DPYD: variants seen among roughly 807,000 people sequenced by gnomAD.
DPYD encodes dihydropyrimidine dehydrogenase.
A neutral mutation model predicts 116.2 loss-of-function variants in DPYD; 109 were observed. The observed-to-expected ratio is 0.94, with a 90% CI of 0.80 to 1.10. DPYD has a LOEUF of 1.10. Ranked by LOEUF, DPYD falls within the 50% of genes least tolerant of loss-of-function variation. The probability of loss-of-function intolerance (pLI) is 0.00; values close to 1 mark genes in which losing one functional copy is unlikely to be tolerated. For missense variants in DPYD, 1,302 were observed against 1,254.5 expected, an observed-to-expected ratio of 1.04 and a Z score of -0.57; for synonymous variants, 440 against 432.0, an observed-to-expected ratio of 1.02 and a Z score of -0.23.
At chr1:97,613,308 A>G (rs1656062913) in intron 8 of DPYD, among the ~76,000 whole-genome samples, 1 of 152,050 alleles carries the variant, frequency 6.6e-6, no homozygotes, top group Non-Finnish European at 1.5e-5. Flanking sequence ...CCTCTTTCCT[A>G]AGGAAAATAT....
intron 3 of DPYD, among the ~76,000 whole-genome samples, chr1:97,765,998 C>G (rs1216084965): frequency 6.6e-6 from 1 of 152,136 alleles, no homozygotes; most frequent in Admixed American, 6.5e-5. Context: ...AATCGCAGCA[C>G]TTCAGGAGGC....
chr1:97,734,462 CT>C (rs1172998437), intron 4 of DPYD, among the ~76,000 whole-genome samples: 1 of 151,980 alleles, frequency 6.6e-6, no homozygotes, highest in African/African-American at 2.4e-5. Context: ...TATAATAAAT[CT>C]TTTTTGTCTT....
intron 18 of DPYD, among the ~76,000 whole-genome samples, chr1:97,257,509 T>A (rs1557977990): frequency 6.7e-6 from 1 of 150,072 alleles, no homozygotes; most frequent in Non-Finnish European, 1.5e-5. Context: ...ATATACCATA[T>A]CTCTATATAG....
At chr1:97,129,210 C>T (rs1014976898) in intron 20 of DPYD, among the ~76,000 whole-genome samples, 4 of 151,850 alleles carry the variant, frequency 2.6e-5, no homozygotes, top group South Asian at 2.1e-4. Context: ...ACTACAGGCA[C>T]GTGCCACCAC....
At chr1:97,191,811 TTA>T (rs1176702803) in intron 20 of DPYD, among the ~76,000 whole-genome samples, 1 of 152,174 alleles carries the variant, frequency 6.6e-6, no homozygotes, top group African/African-American at 2.4e-5. Flanking sequence ...TGAATTTTTT[TTA>T]GTTATAAGCA....
At chr1:97,210,181 T>G (rs574687590) in intron 19 of DPYD, among the ~76,000 whole-genome samples, 2 of 152,158 alleles carry the variant, frequency 1.3e-5, no homozygotes, top group Non-Finnish European at 2.9e-5. Context: ...TTCCTGAATA[T>G]TCAAAGAAGG....
rs1435596963 is a variant in DPYD, at chr1:97,238,685, T to G, written c.2300-3691A>C. Among the ~76,000 whole-genome samples the G allele has an allele frequency of 2.0e-5, 3 of 152,184 alleles. No homozygotes were observed. The East Asian group carries it at 5.8e-4, about 29-fold the overall frequency. ...TAAAATTTTGTCACTGCTACAGTGATTAATGATTTTAGACCAAAGACTAGG... is the reference window on the plus strand; with the variant it reads ...TAAAATTTTGTCACTGCTACAGTGAGTAATGATTTTAGACCAAAGACTAGG... On this transcript the variant is annotated intron_variant, in intron 18 of 22. Transcript: ENST00000370192.
intron 18 of DPYD, among the ~76,000 whole-genome samples, chr1:97,263,250 G>T (rs1436180183): frequency 2.0e-5 from 3 of 152,046 alleles, no homozygotes; most frequent in African/African-American, 7.2e-5. Flanking sequence ...AAGAAGAGAA[G>T]AAATTGCATA....
intron 8 of DPYD, among the ~76,000 whole-genome samples, chr1:97,618,573 A>G (rs950005724): frequency 1.3e-5 from 2 of 151,960 alleles, no homozygotes; most frequent in African/African-American, 4.8e-5. Context: ...AGTTTCTATA[A>G]AAGTTTCTAA....
intron 13 of DPYD, among the ~76,000 whole-genome samples, chr1:97,459,605 G>T (rs1013522250): frequency 6.6e-5 from 10 of 152,108 alleles, no homozygotes; most frequent in Admixed American, 2.0e-4. Flanking sequence ...AGCCAGAAGA[G>T]ATTAGAATAT....
At chr1:97,301,169 A>G (rs979148329) in intron 18 of DPYD, among the ~76,000 whole-genome samples, 1 of 152,076 alleles carries the variant, frequency 6.6e-6, no homozygotes. Flanking sequence ...GGATTCTGTA[A>G]TAACCTCTAT....
At chr1:97,875,756 C>T (rs771979536) in intron 2 of DPYD, among the ~76,000 whole-genome samples, 5 of 151,830 alleles carry the variant, frequency 3.3e-5, no homozygotes, top group African/African-American at 4.8e-5. Flanking sequence ...AAGACACACA[C>T]GCAAAATTAT....
chr1:97,768,945 C>A (rs10747484), intron 3 of DPYD, among the ~76,000 whole-genome samples: 144,898 of 151,826 alleles, frequency 0.95, 69,494 homozygotes, highest in East Asian at 1. Flanking sequence ...ACGATATAAT[C>A]AAAAAATCTC....
chr1:97,548,697 C>T (rs1207356942), intron 12 of DPYD, among the ~76,000 whole-genome samples: 7 of 152,126 alleles, frequency 4.6e-5, no homozygotes. Context: ...GATCGTGCCA[C>T]TGCACTCCAG....
chr1:97,222,707 G>A (rs1301692608), intron 19 of DPYD, among the ~76,000 whole-genome samples: 1 of 151,944 alleles, frequency 6.6e-6, no homozygotes, highest in African/African-American at 2.4e-5. Flanking sequence ...AGAATATTGA[G>A]TTTCCATTTT....
At chr1:97,490,179 GTCA>G (rs1286410871) in intron 13 of DPYD, among the ~76,000 whole-genome samples, 34 of 151,846 alleles carry the variant, frequency 2.2e-4, no homozygotes, top group Non-Finnish European at 3.7e-4. Context: ...AGCTGTCATT[GTCA>G]TCATCAACTC....
At chr1:97,749,558 CTT>C (rs1236863727) in intron 3 of DPYD, among the ~76,000 whole-genome samples, 1 of 152,130 alleles carries the variant, frequency 6.6e-6, no homozygotes, top group Non-Finnish European at 1.5e-5. Context: ...ATACCTATAT[CTT>C]ATATACCACA....
intron 2 of DPYD, among the ~76,000 whole-genome samples, chr1:97,849,585 C>A (rs1358976206): frequency 2.0e-5 from 3 of 151,784 alleles, no homozygotes; most frequent in East Asian, 3.9e-4. Context: ...ACTGACAGAG[C>A]CTAGATGTGA....
At chr1:97,819,351 T>C (rs991408607) in intron 3 of DPYD, among the ~76,000 whole-genome samples, 9 of 151,986 alleles carry the variant, frequency 5.9e-5, no homozygotes, top group African/African-American at 1.7e-4. Context: ...AGTTGAAACA[T>C]TGCTTCTGAA....
Sources: gnomAD v4.1 joint callset for allele counts (sites outside exome capture counted in the v4.1 genomes callset) on GRCh38, gnomAD v4.1.1 for gene constraint, MANE v1.5 for transcripts, NCBI Gene and HGNC (gene_info 2026-07-23, HGNC 2026-07-21) for gene names.